The following PARD3 variants were observed in gnomAD, a reference collection of about 807,000 sequenced individuals.
PARD3 encodes partitioning defective 3 homolog.
Under a neutral mutation model 155.4 loss-of-function variants are expected in PARD3, and 75 were observed. The observed-to-expected ratio is 0.48, with a 90% CI of 0.40 to 0.58. The LOEUF (loss-of-function observed/expected upper bound fraction) is 0.58, where lower values mean the gene tolerates loss of function less well. PARD3 is among the 20% of genes least tolerant of loss of function. PARD3 has a pLI of 0.00. For missense variants in PARD3, 1,642 were observed against 1,721.7 expected, an observed-to-expected ratio of 0.95 and a Z score of 0.82; for synonymous variants, 576 against 610.5, an observed-to-expected ratio of 0.94 and a Z score of 0.83.
intron 12 of PARD3, among the ~76,000 whole-genome samples, chr10:34,367,488 G>A (rs1176089572): frequency 1.3e-5 from 2 of 151,980 alleles, no homozygotes; most frequent in Non-Finnish European, 2.9e-5. Flanking sequence ...GGCAGATCAC[G>A]AGGTCAAGAG....
chr10:34,322,385 C>T (rs1334001966), intron 19 of PARD3, among the ~76,000 whole-genome samples: 3 of 152,136 alleles, frequency 2.0e-5, no homozygotes, highest in African/African-American at 4.8e-5. Flanking sequence ...AACTCTAGAA[C>T]TCAAGTTATG....
chr10:34,755,498 A>G (rs1193790512), intron 1 of PARD3, among the ~76,000 whole-genome samples: 2 of 152,134 alleles, frequency 1.3e-5, no homozygotes, highest in Non-Finnish European at 2.9e-5. Context: ...TCTTCCTTTC[A>G]TGAGGCTCAA....
intron 1 of PARD3, among the ~76,000 whole-genome samples, chr10:34,789,086 A>G (rs1412753446): frequency 2.0e-5 from 3 of 152,266 alleles, no homozygotes; most frequent in Non-Finnish European, 4.4e-5. Flanking sequence ...ATAGTTAACT[A>G]GGTTAATACT....
chr10:34,715,873 C>T (rs943369667), intron 1 of PARD3, among the ~76,000 whole-genome samples: 3 of 152,232 alleles, frequency 2.0e-5, no homozygotes, highest in Non-Finnish European at 4.4e-5. Context: ...ACAAAACATT[C>T]ACTGAAGTCT....
intron 14 of PARD3, 75 bp downstream of exon 14, chr10:34,359,072 C>A: frequency 3.5e-6 from 4 of 1,143,578 alleles, no homozygotes; most frequent in African/African-American, 1.5e-5. Context: ...GAACCTAATA[C>A]CCTTTGCCCA....
At chr10:34,720,448 CAAAAAAAAAAAA>C (rs10603866) in intron 1 of PARD3, among the ~76,000 whole-genome samples, 6 of 56,870 alleles carry the variant, frequency 1.1e-4, no homozygotes, top group East Asian at 7.8e-4. Context: ...AAGGCTCTGT[CAAAAAAAAAAAA>C]AAAAAAAAAA....
At chr10:34,143,730 T>C (rs1948321106) in intron 22 of PARD3, among the ~76,000 whole-genome samples, 1 of 152,196 alleles carries the variant, frequency 6.6e-6, no homozygotes. Flanking sequence ...ATATCACCTG[T>C]AAGTTTCATA....
chr10:34,375,232 T>C (rs1841109010), intron 10 of PARD3, among the ~76,000 whole-genome samples: 2 of 152,132 alleles, frequency 1.3e-5, no homozygotes, highest in Non-Finnish European at 1.5e-5. Context: ...TGGTCAATCT[T>C]TTAGTGTTCA....
intron 12 of PARD3, among the ~76,000 whole-genome samples, chr10:34,367,112 G>A (rs539800530): frequency 6.6e-6 from 1 of 152,094 alleles, no homozygotes; most frequent in Non-Finnish European, 1.5e-5. Context: ...AGAAACATCA[G>A]ACAAACTCAA....
At chr10:34,251,166 A>AC (rs1954283155) in intron 22 of PARD3, among the ~76,000 whole-genome samples, 1 of 152,250 alleles carries the variant, frequency 6.6e-6, no homozygotes, top group African/African-American at 2.4e-5. Context: ...GTAAAGAGGT[A>AC]CAGACATCAG....
intron 2 of PARD3, among the ~76,000 whole-genome samples, chr10:34,626,113 T>A (rs998064745): frequency 2.0e-5 from 3 of 152,080 alleles, no homozygotes; most frequent in African/African-American, 7.2e-5. Flanking sequence ...TGTTCAAGGG[T>A]CATAAAAGAC....
At chr10:34,681,559 A>G (rs866100792) in intron 2 of PARD3, among the ~76,000 whole-genome samples, 1 of 150,800 alleles carries the variant, frequency 6.6e-6, no homozygotes, top group Admixed American at 6.6e-5. Flanking sequence ...ACAAAACTTT[A>G]CATACCTTAT....
rs57615675 is a variant in PARD3, at chr10:34,389,239, T to TAAAAAAAAAAAAAAAAAA, written c.891-5003_891-4986dup. The stretch of plus-strand genomic sequence containing the variant: ...GACTTCGTTTTTGAACAATGTTTCT[T>TAAAAAAAAAAAAAAAAAA]AAAAAAAAAAAAAAAAAAAAAAAAA... On this transcript the variant is annotated intron_variant, in intron 7 of 24. Coordinates refer to ENST00000374788, the MANE Select transcript of PARD3 (RefSeq NM_001184785.2). Among the ~76,000 whole-genome samples the TAAAAAAAAAAAAAAAAAA allele has an allele frequency of 7.6e-5, 5 of 65,880 alleles. 1 individual carries two copies. Among genetic ancestry groups the TAAAAAAAAAAAAAAAAAA allele is most frequent in the African/African-American group, 2.9e-4 (4 of 13,792 alleles). The allele number at this position is 65,880 out of a possible 152,430, so 43.2% of individuals were successfully genotyped here. A position where few individuals can be genotyped will look rare whatever the true frequency, so the allele number is the denominator to read the frequency against.
chr10:34,803,808 AT>A (rs1843062612), intron 1 of PARD3, among the ~76,000 whole-genome samples: 1 of 151,854 alleles, frequency 6.6e-6, no homozygotes, highest in African/African-American at 2.4e-5. Context: ...ATCTCGGAAA[AT>A]AAAAAATAAA....
At chr10:34,413,534 A>G (rs1845341836) in intron 5 of PARD3, among the ~76,000 whole-genome samples, 1 of 151,704 alleles carries the variant, frequency 6.6e-6, no homozygotes, top group African/African-American at 2.4e-5. Context: ...GTCATTAGGC[A>G]ATTTCTAAAA....
At chr10:34,151,249 G>A (rs1948768372) in intron 22 of PARD3, among the ~76,000 whole-genome samples, 1 of 151,448 alleles carries the variant, frequency 6.6e-6, no homozygotes, top group Non-Finnish European at 1.5e-5. Context: ...AGTTAAAGAT[G>A]TAATTAAAGA....
At chr10:34,157,377 A>C (rs938709307) in intron 22 of PARD3, among the ~76,000 whole-genome samples, 16 of 152,240 alleles carry the variant, frequency 1.1e-4, no homozygotes, top group African/African-American at 3.6e-4. Flanking sequence ...GCAGGGAGCC[A>C]GTCATATTCA....
intron 19 of PARD3, among the ~76,000 whole-genome samples, chr10:34,318,916 C>A (rs1210379150): frequency 6.6e-6 from 1 of 151,614 alleles, no homozygotes; most frequent in Non-Finnish European, 1.5e-5. Context: ...CAGGCGCCCA[C>A]CACCACGCCC....
At position 34,337,508 on chromosome 10, in the gene PARD3, AAGTG is replaced by A. The variant is rs1836319395; in HGVS notation, c.2409-86_2409-83del. ...TTTAGGGAGGTTCATACATACCTGC[AAGTG>A]TAAATATACATATGTATATTCCTCA... On this transcript the variant is annotated intron_variant, in intron 16 of 24. Transcript: ENST00000374788. 4 of 717,164 alleles carry A rather than the reference AAGTG, an allele frequency of 5.6e-6. No individual in the cohort carries two copies. In the East Asian group the frequency reaches 1.3e-4, roughly 22 times the overall value. The allele number at this position is 717,164 out of a possible 1,614,324, so 44.4% of individuals were successfully genotyped here.
Sources: allele counts gnomAD v4.1 joint callset (sites outside exome capture counted in the v4.1 genomes callset), GRCh38; gene constraint gnomAD v4.1.1; transcripts MANE v1.5; gene names NCBI Gene and HGNC (gene_info 2026-07-23, HGNC 2026-07-21).